Variants in LIFR observed in about 807,000 individuals in gnomAD.
The protein encoded by LIFR is LIF receptor subunit alpha.
LIFR carries 84 observed loss-of-function variants against 122.2 expected under a neutral mutation model. The ratio of observed to expected loss-of-function variants is 0.69; its 90% CI spans 0.58 to 0.82. LIFR has a LOEUF of 0.82. LIFR is among the 40% of genes least tolerant of loss of function. The pLI, the probability that LIFR is intolerant of heterozygous loss-of-function variation, is 0.00. For missense variants in LIFR, 1,294 were observed against 1,311.6 expected (o/e 0.99, Z 0.21); for synonymous variants, 422 against 434.7 (o/e 0.97, Z 0.36).
In LIFR at chr5:38,478,556, G is replaced by T. The variant is rs1743830012; in HGVS notation, c.*3039C>A. 1 of 192,684 alleles carries T rather than the reference G, an allele frequency of 5.2e-6. No individual in the cohort carries two copies. Among genetic ancestry groups the T allele is most frequent in the African/African-American group, 2.3e-5 (1 of 42,954 alleles). 11.9% of individuals were successfully genotyped at this position (192,684 alleles called of 1,614,324 possible). On this transcript the variant is annotated 3_prime_UTR_variant, in exon 20 of 20. Transcript: ENST00000453190. Reference sequence around the variant, plus strand: ...AATCTATGCAATATATGATTCACAAGGTTCATCTAATGTTAAAAGTCTAGC... The same window carrying T: ...AATCTATGCAATATATGATTCACAATGTTCATCTAATGTTAAAAGTCTAGC...
chr5:38,489,068 A>G lies in LIFR; in HGVS notation c.2335+10T>C, dbSNP rs779010368. ...AAGAAACACTTTCCTTGTGCTATCAATTTACTCACCTGATTCTAAAACCCT... is the reference window on the plus strand; with the variant it reads ...AAGAAACACTTTCCTTGTGCTATCAGTTTACTCACCTGATTCTAAAACCCT... On this transcript the variant is annotated intron_variant, in intron 16 of 19. Transcript: ENST00000453190. 6.2e-7 allele frequency: 1 copy of G among 1,609,642 alleles called. No homozygotes were observed. The highest frequency in any genetic ancestry group is 8.5e-7 in the Non-Finnish European group (1 of 1,176,370).
At chr5:38,556,962 A>ACGGCTCTGCGGGGAGGACCG (rs1198749055), upstream of LIFR, 4 of 152,092 alleles carry the variant, frequency 2.6e-5, no homozygotes, top group African/African-American at 9.7e-5. Context: ...CGAGTGCGCG[A>ACGGCTCTGCGGGGAGGACCG]CGGCTCTGCG....
intron 5 of LIFR, among the ~76,000 whole-genome samples, chr5:38,517,983 C>G (rs1183867039): frequency 6.7e-6 from 1 of 148,768 alleles, no homozygotes; most frequent in Non-Finnish European, 1.5e-5. Context: ...CTGGGCACAG[C>G]AGCATGCACC....
At chr5:38,552,156 T>C (rs900136327) in intron 1 of LIFR, among the ~76,000 whole-genome samples, 15 of 152,330 alleles carry the variant, frequency 9.8e-5, no homozygotes, top group Non-Finnish European at 2.2e-4. Flanking sequence ...TTGTCTTAAG[T>C]AGAAACTGCT....
chr5:38,535,619 T>C (rs1379156812), intron 1 of LIFR, among the ~76,000 whole-genome samples: 4 of 152,180 alleles, frequency 2.6e-5, no homozygotes, highest in African/African-American at 4.8e-5. Context: ...TCTGCTCTAC[T>C]GCTTCACTTC....
chr5:38,604,515 T>G (rs1750284525), intron 2 of LIFR, among the ~76,000 whole-genome samples: 1 of 152,122 alleles, frequency 6.6e-6, no homozygotes, highest in Non-Finnish European at 1.5e-5. Context: ...GAGACCAGCC[T>G]GGCCAACATA....
rs1022959608 is a variant in LIFR, at chr5:38,477,154, T to C, written c.*4441A>G. ...ACGACCATGTAATAATTAATAGCAC[T>C]AATTGAAAAGGAATAAAAAAATCTA... is the stretch of plus-strand genomic sequence containing the variant. On this transcript the variant is annotated 3_prime_UTR_variant, in exon 20 of 20. Coordinates refer to ENST00000453190, the MANE Select transcript of LIFR (RefSeq NM_001127671.2). 4.5e-6 allele frequency: 1 copy of C among 221,090 alleles called. No homozygotes were observed. The highest frequency in any genetic ancestry group is 9.1e-6 in the Non-Finnish European group (1 of 110,326). The allele number at this position is 221,090 out of a possible 1,614,324, so 13.7% of individuals were successfully genotyped here. A position where few individuals can be genotyped will look rare whatever the true frequency, so the allele number is the denominator to read the frequency against.
At chr5:38,539,320 T>C (rs867002797) in intron 1 of LIFR, among the ~76,000 whole-genome samples, 2 of 152,142 alleles carry the variant, frequency 1.3e-5, no homozygotes, top group South Asian at 2.1e-4. Flanking sequence ...CCACTGGACA[T>C]CAATTTCCCC....
At chr5:38,510,320 T>C in intron 7 of LIFR, 144 bp downstream of exon 7, 1 of 745,406 alleles carries the variant, frequency 1.3e-6, no homozygotes, top group Non-Finnish European at 2.2e-6. Flanking sequence ...TCTAGTGCCT[T>C]TGTATAGCCT....
intron 6 of LIFR, 99 bp downstream of exon 6, chr5:38,511,691 G>GA: frequency 6.0e-6 from 7 of 1,169,104 alleles, no homozygotes; most frequent in South Asian, 5.2e-5. Flanking sequence ...TCATGCAGCT[G>GA]AATGAGGTTA....
chr5:38,509,913 T>G (rs945678857), intron 7 of LIFR, among the ~76,000 whole-genome samples: 5 of 152,176 alleles, frequency 3.3e-5, no homozygotes, highest in Non-Finnish European at 7.3e-5. Context: ...AATAGACACC[T>G]TGAATGACAG....
Position 38,474,891 on chromosome 5 carries a change from C to T in LIFR, c.*6704G>A, listed in dbSNP as rs959011671. On this transcript the variant is annotated 3_prime_UTR_variant, in exon 20 of 20. Transcript: ENST00000453190. ...TACGGGATAGAACAAAAAAATACAACAACAAAGCAGAGCCACTTCTCCTAA... is the reference window on the plus strand; with the variant it reads ...TACGGGATAGAACAAAAAAATACAATAACAAAGCAGAGCCACTTCTCCTAA... The T allele has an allele frequency of 1.3e-5, 2 of 155,332 alleles. No individual in the cohort carries two copies. Among genetic ancestry groups the T allele is most frequent in the African/African-American group, 4.8e-5 (2 of 41,534 alleles). The allele number at this position is 155,332 out of a possible 1,614,324, so 9.6% of individuals were successfully genotyped here.
chr5:38,562,872 A>G (rs914395542), intron 1 of LIFR, among the ~76,000 whole-genome samples: 5 of 152,268 alleles, frequency 3.3e-5, no homozygotes, highest in African/African-American at 1.2e-4. Context: ...ATTTGCCAAT[A>G]GGCATAATTC....
In LIFR at chr5:38,606,591, A is replaced by G. The variant is rs375867800; in HGVS notation, n.204-285T>C. ...CGGCACCTACTGTTTAAAAATAGTA[A>G]TAAGAGCTGCTGCTTTCACATCTGA... On this transcript the variant is annotated intron_variant and non_coding_transcript_variant, in intron 1 of 3. Coordinates refer to the LIFR transcript ENST00000507786. Among the ~76,000 whole-genome samples, 20 of 152,218 alleles carry G rather than the reference A, an allele frequency of 1.3e-4. 2 individuals carry two copies. The highest frequency in any genetic ancestry group is 1.0e-3 in the Admixed American group (16 of 15,284).
chr5:38,484,303 T>C (rs1347578508), intron 18 of LIFR, among the ~76,000 whole-genome samples: 1 of 152,200 alleles, frequency 6.6e-6, no homozygotes, highest in African/African-American at 2.4e-5. Flanking sequence ...TCCCACACTG[T>C]GCTCCAAGTC....
intron 2 of LIFR, among the ~76,000 whole-genome samples, chr5:38,605,447 C>T (rs914185224): frequency 5.9e-5 from 9 of 152,162 alleles, no homozygotes; most frequent in Middle Eastern, 6.8e-3. Flanking sequence ...AATCACAGTA[C>T]CCCTTCCTCC....
intron 1 of LIFR, among the ~76,000 whole-genome samples, chr5:38,531,340 A>G (rs568721972): frequency 1.3e-5 from 2 of 152,324 alleles, no homozygotes; most frequent in South Asian, 4.1e-4. Flanking sequence ...TGCCTCATTT[A>G]TTACAACATT....
chr5:38,516,849 C>A (rs565216949), intron 5 of LIFR, among the ~76,000 whole-genome samples: 1 of 152,168 alleles, frequency 6.6e-6, no homozygotes, highest in Non-Finnish European at 1.5e-5. Context: ...AAATGTGGCA[C>A]ATACACACCA....
chr5:38,526,161 C>G (rs555419540), intron 4 of LIFR, among the ~76,000 whole-genome samples: 1 of 152,278 alleles, frequency 6.6e-6, no homozygotes, highest in South Asian at 2.1e-4. Flanking sequence ...AACTTGCTTT[C>G]TAGAAACTCA....
Sources: allele counts gnomAD v4.1 joint callset (sites outside exome capture counted in the v4.1 genomes callset), GRCh38; gene constraint gnomAD v4.1.1; transcripts MANE v1.5; gene names NCBI Gene and HGNC (gene_info 2026-07-23, HGNC 2026-07-21).